Variants in GPM6A observed in about 807,000 individuals in gnomAD.
GPM6A encodes the protein neuronal membrane glycoprotein M6-a.
In GPM6A, 7 loss-of-function variants were observed where a neutral mutation model predicts 32.1. The observed-to-expected ratio is 0.22, with a 90% CI of 0.12 to 0.41. The LOEUF (loss-of-function observed/expected upper bound fraction) is 0.41, where lower values mean the gene tolerates loss of function less well. Ranked by LOEUF, GPM6A falls within the 10% of genes least tolerant of loss-of-function variation. GPM6A has a pLI of 1.00. For missense variants in GPM6A, 235 were observed against 347.2 expected, an observed-to-expected ratio of 0.68 and a Z score of 2.57; for synonymous variants, 130 against 123.4, an observed-to-expected ratio of 1.05 and a Z score of -0.35.
Position 175,634,620 on chromosome 4 carries a change from G to C in GPM6A, c.*285C>G, listed in dbSNP as rs1185756481. ...AAAAATCAAACAAATCTTTGCATTT[G>C]ACAATGTTAGTATCTTTGATTTTAC... is the stretch of plus-strand genomic sequence containing the variant. On this transcript the variant is annotated 3_prime_UTR_variant, in exon 7 of 7. Transcript: ENST00000393658. 1 of 290,348 alleles carries C rather than the reference G, an allele frequency of 3.4e-6. No homozygotes were observed. Among genetic ancestry groups the C allele is most frequent in the Non-Finnish European group, 6.4e-6 (1 of 157,296 alleles). The allele number at this position is 290,348 out of a possible 1,614,324, so 18.0% of individuals were successfully genotyped here. A position where few individuals can be genotyped will look rare whatever the true frequency, so the allele number is the denominator to read the frequency against.
chr4:175,724,449 T>TG (rs2111123963), intron 1 of GPM6A, among the ~76,000 whole-genome samples: 1 of 151,980 alleles, frequency 6.6e-6, no homozygotes, highest in South Asian at 2.1e-4. Context: ...GAGGCTAAGG[T>TG]GGGGGGAATC....
intron 1 of GPM6A, among the ~76,000 whole-genome samples, chr4:175,718,513 G>A (rs1745954806): frequency 6.6e-6 from 1 of 152,176 alleles, no homozygotes; most frequent in African/African-American, 2.4e-5. Context: ...CTACTTGGGA[G>A]GCTGAGGTAG....
At chr4:175,637,685 AATATATAATATATT>A (rs1560842781) in intron 6 of GPM6A, among the ~76,000 whole-genome samples, 1 of 79,314 alleles carries the variant, frequency 1.3e-5, no homozygotes, top group African/African-American at 5.7e-5. Context: ...ATATATATAT[AATATATAATATATT>A]ATATATTATA....
chr4:175,758,009 A>G (rs1204410475), intron 1 of GPM6A, among the ~76,000 whole-genome samples: 1 of 152,198 alleles, frequency 6.6e-6, no homozygotes, highest in African/African-American at 2.4e-5. Context: ...ACCAAAGCAG[A>G]AGAATGGAGA....
chr4:175,905,977 T>C (rs1341297993), intron 1 of GPM6A, among the ~76,000 whole-genome samples: 3 of 152,160 alleles, frequency 2.0e-5, no homozygotes, highest in African/African-American at 7.2e-5. Context: ...CCAGAAGCAT[T>C]TGGGAAGTCA....
chr4:175,689,154 C>T (rs1375178505), intron 2 of GPM6A, among the ~76,000 whole-genome samples: 2 of 152,166 alleles, frequency 1.3e-5, no homozygotes. Context: ...TGAAGTTTCA[C>T]TTTTATTCTT....
At chr4:176,002,371 C>T, upstream of GPM6A, 1 of 1,564,286 alleles carries the variant, frequency 6.4e-7, no homozygotes, top group South Asian at 1.2e-5. Context: ...AGACGCTGCG[C>T]GGGGCCAAGT....
intron 1 of GPM6A, among the ~76,000 whole-genome samples, chr4:175,740,145 CTT>C (rs1579446851): frequency 1.3e-5 from 2 of 152,102 alleles, no homozygotes; most frequent in East Asian, 3.9e-4. Flanking sequence ...ATTTGTCTCA[CTT>C]GATTTAATTA....
chr4:175,663,612 A>G (rs765650533), intron 3 of GPM6A, among the ~76,000 whole-genome samples: 1 of 152,144 alleles, frequency 6.6e-6, no homozygotes, highest in Non-Finnish European at 1.5e-5. Flanking sequence ...CATATTTGAA[A>G]CCAATATGTG....
intron 1 of GPM6A, among the ~76,000 whole-genome samples, chr4:175,958,456 C>G (rs1357378170): frequency 6.6e-6 from 1 of 152,174 alleles, no homozygotes; most frequent in Non-Finnish European, 1.5e-5. Context: ...AAGCCACTAC[C>G]CTTGAGAACC....
At chr4:175,981,065 C>T (rs149934998) in intron 1 of GPM6A, among the ~76,000 whole-genome samples, 8 of 152,162 alleles carry the variant, frequency 5.3e-5, no homozygotes, top group East Asian at 1.9e-4. Context: ...CAGGATTTTA[C>T]GGTTTGAAGC....
intron 1 of GPM6A, among the ~76,000 whole-genome samples, chr4:175,938,402 G>A (rs541924104): frequency 1.3e-5 from 2 of 152,060 alleles, no homozygotes; most frequent in African/African-American, 2.4e-5. Flanking sequence ...CTCCACAGCC[G>A]CGCCAGCATC....
intron 1 of GPM6A, chr4:175,970,891 G>A (rs1477539528): frequency 4.4e-6 from 2 of 451,706 alleles, no homozygotes; most frequent in Non-Finnish European, 8.8e-6. Context: ...GGCATCACTC[G>A]ATACCGACAG....
At chr4:175,882,482 CA>C (rs1441213403) in intron 1 of GPM6A, among the ~76,000 whole-genome samples, 14 of 152,076 alleles carry the variant, frequency 9.2e-5, no homozygotes, top group Admixed American at 7.9e-4. Context: ...AGATTTTTCA[CA>C]AATAATTTAT....
At chr4:175,723,994 C>A (rs1478169108) in intron 1 of GPM6A, among the ~76,000 whole-genome samples, 1 of 152,104 alleles carries the variant, frequency 6.6e-6, no homozygotes, top group African/African-American at 2.4e-5. Context: ...AATCAGTATA[C>A]CTATGAGATT....
chr4:175,824,780 C>A (rs1735382640), intron 1 of GPM6A, among the ~76,000 whole-genome samples: 1 of 151,972 alleles, frequency 6.6e-6, no homozygotes. Context: ...TATTTACAAC[C>A]CTGAGAGTAA....
chr4:175,949,267 G>T (rs1195361237), intron 1 of GPM6A, among the ~76,000 whole-genome samples: 1 of 151,924 alleles, frequency 6.6e-6, no homozygotes, highest in Non-Finnish European at 1.5e-5. Flanking sequence ...TTTAACAATT[G>T]GGAAAGTTTT....
Position 175,728,431 on chromosome 4 carries a change from T to C in GPM6A, c.38-26664A>G, listed in dbSNP as rs187414184. ...TCTGAAGCCGGAGTACATGATTTTG[T>C]TTTCCAACCTTTGTGTTTATTGTTT... On this transcript the variant is annotated intron_variant, in intron 1 of 6. Coordinates refer to ENST00000393658, the MANE Select transcript of GPM6A (RefSeq NM_201591.3). Among the ~76,000 whole-genome samples the C allele has an allele frequency of 2.0e-3, 304 of 152,312 alleles. 1 individual carries two copies. Among genetic ancestry groups the C allele is most frequent in the African/African-American group, 4.3e-3 (177 of 41,566 alleles).
At chr4:175,835,650 T>C (rs968444476) in intron 1 of GPM6A, among the ~76,000 whole-genome samples, 1 of 145,620 alleles carries the variant, frequency 6.9e-6, no homozygotes, top group Non-Finnish European at 1.5e-5. Context: ...TATATATATA[T>C]GCTTGTATGT....
Sources: gnomAD v4.1 joint callset for allele counts (sites outside exome capture counted in the v4.1 genomes callset) on GRCh38, gnomAD v4.1.1 for gene constraint, MANE v1.5 for transcripts, NCBI Gene and HGNC (gene_info 2026-07-23, HGNC 2026-07-21) for gene names.